The following DLST variants were observed in gnomAD, a reference collection of about 807,000 sequenced individuals.
DLST encodes the protein dihydrolipoamide S-succinyltransferase.
Under a neutral mutation model 53.1 loss-of-function variants are expected in DLST, and 17 were observed. That is an observed-to-expected ratio of 0.32 (90% CI 0.22 to 0.48). The LOEUF (loss-of-function observed/expected upper bound fraction) is 0.48. Ranked by LOEUF, DLST falls within the 20% of genes least tolerant of loss-of-function variation. The pLI is 0.99. For missense variants in DLST, 512 were observed against 583.9 expected (o/e 0.88, Z 1.27); for synonymous variants, 206 against 204.8 (o/e 1.01, Z -0.05).
At chr14:74,892,320 A>G (rs1161820739) in intron 7 of DLST, among the ~76,000 whole-genome samples, 1 of 152,096 alleles carries the variant, frequency 6.6e-6, no homozygotes, top group Non-Finnish European at 1.5e-5. Flanking sequence ...TGACCTTGTG[A>G]TCCGCCTGCC....
rs923578080 is a variant in DLST, at chr14:74,899,581, C to T, written c.902-342C>T. On this transcript the variant is annotated intron_variant, in intron 11 of 14. Transcript: ENST00000334220. ...TGCCCTTTTTTGGAACATTTGTTAACCCTAGTCATTCTCTGCTAAAGGAGG... is the reference window on the plus strand; with the variant it reads ...TGCCCTTTTTTGGAACATTTGTTAATCCTAGTCATTCTCTGCTAAAGGAGG... 2.0e-5 allele frequency among the ~76,000 whole-genome samples: 3 copies of T among 152,124 alleles called. No homozygotes were observed. The South Asian group carries it at 6.2e-4, about 31-fold the overall frequency.
At chr14:74,887,139 A>C (rs1365068524) in intron 3 of DLST, among the ~76,000 whole-genome samples, 9 of 152,218 alleles carry the variant, frequency 5.9e-5, no homozygotes, top group African/African-American at 2.2e-4. Context: ...TATAAATATT[A>C]TCAGATTTAT....
chr14:74,899,559 CCT>C (rs1884176273), intron 11 of DLST, among the ~76,000 whole-genome samples: 2 of 152,046 alleles, frequency 1.3e-5, no homozygotes, highest in East Asian at 3.9e-4. Context: ...GCTAATTTGC[CCT>C]TTTTTGGAAC....
intron 2 of DLST, 36 bp downstream of exon 2, chr14:74,882,660 C>T (rs752128537): frequency 1.9e-6 from 3 of 1,602,098 alleles, no homozygotes; most frequent in Non-Finnish European, 2.6e-6. Flanking sequence ...AAAATGCTCT[C>T]CTCCTGGGCA....
rs1296823551 is a variant in DLST, at chr14:74,893,352, T to C, written c.600T>C (p.Ser200=). The C allele has an allele frequency of 1.9e-6, 3 of 1,614,106 alleles. No homozygotes were observed. The highest frequency in any genetic ancestry group is 2.5e-6 in the Non-Finnish European group (3 of 1,180,044). ...PSQPPSGKPV[S]AVKPTVAPPL... ...TTATCCTCTTTTCATTTTCAGTGTC[T>C]GCAGTAAAACCCACTGTTGCCCCAC... The change falls in exon 9 of 15, where the codon TCT becomes TCC. Residue 200 remains serine, a synonymous_variant. Transcript: ENST00000334220.
At chr14:74,886,916 A>G (rs1293042476) in intron 3 of DLST, among the ~76,000 whole-genome samples, 2 of 151,458 alleles carry the variant, frequency 1.3e-5, no homozygotes, top group African/African-American at 2.4e-5. Flanking sequence ...TGATTTTTGT[A>G]TTAGTAGAGA....
Position 74,881,939 on chromosome 14 carries a change from G to T in DLST, c.-15G>T, listed in dbSNP as rs762839771. 7.8e-6 allele frequency: 12 copies of T among 1,538,452 alleles called. No individual in the cohort carries two copies. Among genetic ancestry groups the T allele is most frequent in the African/African-American group, 5.6e-5 (4 of 71,726 alleles). On this transcript the variant is annotated 5_prime_UTR_variant, in exon 1 of 15. Transcript: ENST00000334220. ...CTATATCCGGTGTCCGCCCGCCCTCGGCTCCTCCGCCGTGATGCTGTCCCG... is the reference window on the plus strand; with the variant it reads ...CTATATCCGGTGTCCGCCCGCCCTCTGCTCCTCCGCCGTGATGCTGTCCCG...
At position 74,890,649 on chromosome 14, in the gene DLST, C is replaced by T. The variant is rs554467499; in HGVS notation, c.331-407C>T. Among the ~76,000 whole-genome samples the T allele has an allele frequency of 3.9e-5, 6 of 152,256 alleles. No homozygotes were observed. In the South Asian group the frequency reaches 1.2e-3, roughly 32 times the overall value. The stretch of plus-strand genomic sequence containing the variant: ...TATCACCCTTGCTCTGAAATTATGG[C>T]CTTAGATGTTTGTGTGCAAGGCCTT... On this transcript the variant is annotated intron_variant, in intron 6 of 14. Transcript: ENST00000334220.
In DLST at chr14:74,902,310, GTCC is replaced by G. The variant is rs777744854; in HGVS notation, c.1350_1352del (p.Leu451del). ...CAAGGCAGCGGTAGAGGATCCCAGA[GTCC>G]TCCTCCTGGATCTTTAGGAGGAACC... On this transcript the variant is annotated inframe_deletion, in exon 15 of 15. Coordinates refer to ENST00000334220, the MANE Select transcript of DLST (RefSeq NM_001933.5). 3 of 1,612,068 alleles carry G rather than the reference GTCC, an allele frequency of 1.9e-6. No individual in the cohort carries two copies. Among genetic ancestry groups the G allele is most frequent in the African/African-American group, 1.3e-5 (1 of 74,866 alleles).
intron 5 of DLST, 81 bp from the exon 6 acceptor site, chr14:74,889,816 C>A: frequency 1.4e-6 from 2 of 1,419,144 alleles, no homozygotes; most frequent in Non-Finnish European, 2.0e-6. Context: ...GTTCTTATAA[C>A]ATACCTGCCA....
At position 74,893,673 on chromosome 14, in the gene DLST, A is replaced by G. The variant is rs374943129; in HGVS notation, c.672+249A>G. 2.6e-5 allele frequency among the ~76,000 whole-genome samples: 4 copies of G among 152,314 alleles called. No homozygotes were observed. In the South Asian group the frequency reaches 6.2e-4, roughly 24 times the overall value. On this transcript the variant is annotated intron_variant, in intron 9 of 14. Coordinates refer to ENST00000334220, the MANE Select transcript of DLST (RefSeq NM_001933.5). ...TATGCTACCAGTGAAAGCCTTGGGT[A>G]AGTTAAATATTTGTAGGGGTGGTAG...
At chr14:74,889,849 A>C (rs766234643) in intron 5 of DLST, 48 bp from the exon 6 acceptor site, 1 of 1,603,368 alleles carries the variant, frequency 6.2e-7, no homozygotes, top group East Asian at 2.2e-5. Flanking sequence ...TGGCTACTGG[A>C]GGCTCCCCGC....
At chr14:74,888,258 G>GT (rs1453010787) in intron 3 of DLST, among the ~76,000 whole-genome samples, 4 of 145,598 alleles carry the variant, frequency 2.7e-5, no homozygotes, top group African/African-American at 5.1e-5. Flanking sequence ...TTTGTGTGTG[G>GT]TTTTTTTGTT....
chr14:74,897,126 T>G (rs554803096), intron 10 of DLST, among the ~76,000 whole-genome samples: 1 of 152,370 alleles, frequency 6.6e-6, no homozygotes, highest in Non-Finnish European at 1.5e-5. Context: ...TCTTTCCCTC[T>G]TCTGCAGCTC....
Position 74,882,577 on chromosome 14 carries a change from T to G in DLST, c.64-14T>G. 6.2e-7 allele frequency: 1 copy of G among 1,613,734 alleles called. No individual in the cohort carries two copies. The highest frequency in any genetic ancestry group is 8.5e-7 in the Non-Finnish European group (1 of 1,179,820). ...CATCTTGGGTGACGTCGATAATGTC[T>G]TCTTTCTCAACAGGGGAACTGCCCT... On this transcript the variant is annotated splice_polypyrimidine_tract_variant and intron_variant, in intron 1 of 14. Transcript: ENST00000334220.
At chr14:74,887,036 G>A (rs906579643) in intron 3 of DLST, among the ~76,000 whole-genome samples, 2 of 152,024 alleles carry the variant, frequency 1.3e-5, no homozygotes. Flanking sequence ...CCACTGCCCG[G>A]CCTGTGTGTT....
chr14:74,886,955 T>C (rs1434013913), intron 3 of DLST, among the ~76,000 whole-genome samples: 1 of 151,980 alleles, frequency 6.6e-6, no homozygotes, highest in Non-Finnish European at 1.5e-5. Context: ...GCCAGGCTGG[T>C]CTCTGAAACT....
At chr14:74,895,786 G>C (rs1232592407) in intron 10 of DLST, among the ~76,000 whole-genome samples, 24 of 152,124 alleles carry the variant, frequency 1.6e-4, no homozygotes. Context: ...TGTAATCCCA[G>C]CTACTCGGAA....
At chr14:74,885,483 C>G in intron 2 of DLST, 103 bp from the exon 3 acceptor site, 2 of 1,168,646 alleles carry the variant, frequency 1.7e-6, no homozygotes, top group Non-Finnish European at 2.6e-6. Flanking sequence ...GCCGTTGATC[C>G]TGCTCTGTCT....
Sources: gnomAD v4.1 joint callset for allele counts (sites outside exome capture counted in the v4.1 genomes callset) on GRCh38, gnomAD v4.1.1 for gene constraint, MANE v1.5 for transcripts, NCBI Gene and HGNC (gene_info 2026-07-23, HGNC 2026-07-21) for gene names.